PTCHD1: variants seen among roughly 807,000 people sequenced by gnomAD.
PTCHD1 encodes the protein patched domain containing 1.
Under a neutral mutation model 34.6 loss-of-function variants are expected in PTCHD1, and 3 were observed. The ratio of observed to expected loss-of-function variants is 0.09; its 90% CI spans 0.04 to 0.22. The LOEUF (loss-of-function observed/expected upper bound fraction) is 0.22. Among genes scored for constraint, PTCHD1 ranks in the 10% least tolerant of loss-of-function variants. The probability of loss-of-function intolerance (pLI) is 1.00; values close to 1 mark genes in which losing one functional copy is unlikely to be tolerated. For synonymous variants in PTCHD1, 305 were observed against 283.1 expected (o/e 1.08, Z -0.77); for missense variants, 504 against 685.5 (o/e 0.74, Z 2.96).
chrX:23,363,677 C>G (rs1476458028), intron 1 of PTCHD1, among the ~76,000 whole-genome samples: 3 of 112,719 alleles, frequency 2.7e-5, no homozygotes, highest in African/African-American at 9.7e-5. Flanking sequence ...CCAACCAGTC[C>G]CAGTGAGATG....
chrX:23,361,030 C>G (rs1444420147), intron 1 of PTCHD1, among the ~76,000 whole-genome samples: 4 of 112,037 alleles, frequency 3.6e-5, no homozygotes, highest in Non-Finnish European at 7.5e-5. Context: ...GTTGTGATTT[C>G]TGTTCTTTTA....
chrX:23,369,404 G>A lies in PTCHD1; in HGVS notation c.352-10187G>A, dbSNP rs774661717. Among the ~76,000 whole-genome samples the A allele has an allele frequency of 8.1e-5, 9 of 111,700 alleles. No individual in the cohort carries two copies. In the South Asian group the frequency reaches 3.4e-3, roughly 43 times the overall value. ...ATTTATCAATATCCAAATGTCCAAA[G>A]CACAGAGATTAGGGGATAAAGTCTT... On this transcript the variant is annotated intron_variant, in intron 1 of 2. Coordinates refer to ENST00000379361, the MANE Select transcript of PTCHD1 (RefSeq NM_173495.3).
intron 1 of PTCHD1, among the ~76,000 whole-genome samples, chrX:23,364,913 C>T (rs1384492815): frequency 8.9e-6 from 1 of 112,432 alleles, no homozygotes; most frequent in Non-Finnish European, 1.9e-5. Flanking sequence ...TGCCTGCTTC[C>T]TTTATCATCA....
At chrX:23,390,439 C>T in intron 2 of PTCHD1, among the ~76,000 whole-genome samples, 1 of 110,688 alleles carries the variant, frequency 9.0e-6, no homozygotes, top group East Asian at 2.8e-4. Context: ...AATTAAAGGT[C>T]AGTGGGTCCA....
chrX:23,384,080 A>T (rs973801651), intron 2 of PTCHD1, among the ~76,000 whole-genome samples: 7 of 112,343 alleles, frequency 6.2e-5, no homozygotes, highest in Non-Finnish European at 9.4e-5. Flanking sequence ...GGAAAGGGAT[A>T]GAATGTTAGA....
At chrX:23,344,648 G>A (rs1389328633) in intron 1 of PTCHD1, among the ~76,000 whole-genome samples, 1 of 111,742 alleles carries the variant, frequency 8.9e-6, no homozygotes, top group South Asian at 3.8e-4. Context: ...TTCTTAGGCA[G>A]GCAGAGCTGC....
chrX:23,394,689 A>T lies in PTCHD1; in HGVS notation c.*504A>T, dbSNP rs959046017. 2 of 117,304 alleles carry T rather than the reference A, an allele frequency of 1.7e-5. No homozygotes were observed. Among genetic ancestry groups the T allele is most frequent in the Non-Finnish European group, 3.6e-5 (2 of 55,976 alleles). 9.7% of individuals were successfully genotyped at this position (117,304 alleles called of 1,213,427 possible). A position where few individuals can be genotyped will look rare whatever the true frequency, so the allele number is the denominator to read the frequency against. On this transcript the variant is annotated 3_prime_UTR_variant, in exon 3 of 3. Transcript: ENST00000379361. ...TGTGGTTTGAGGTTTTAGCTGTCTC[A>T]CCTAGCTCCCTAACACTGAAGGAGA...
intron 2 of PTCHD1, among the ~76,000 whole-genome samples, chrX:23,390,339 A>C (rs748163160): frequency 6.4e-4 from 70 of 109,222 alleles, no homozygotes; most frequent in African/African-American, 1.6e-3. Flanking sequence ...GAAAAAAAAA[A>C]AAAAAACAAA....
chrX:23,342,037 G>A (rs1240634568), intron 1 of PTCHD1, among the ~76,000 whole-genome samples: 1 of 108,903 alleles, frequency 9.2e-6, no homozygotes, highest in Non-Finnish European at 1.9e-5. Flanking sequence ...GTAAAACAGT[G>A]AGTAGCAGGA....
intron 1 of PTCHD1, among the ~76,000 whole-genome samples, chrX:23,375,345 T>A (rs939702208): frequency 1.9e-5 from 2 of 104,810 alleles, no homozygotes; most frequent in South Asian, 4.5e-4. Flanking sequence ...GCGGGAGTGC[T>A]GTGGCGCGAT....
chrX:23,365,898 T>C (rs1484498850), intron 1 of PTCHD1, among the ~76,000 whole-genome samples: 1 of 112,385 alleles, frequency 8.9e-6, no homozygotes, highest in Non-Finnish European at 1.9e-5. Flanking sequence ...TCTGCTTGTA[T>C]AGTCTATGAC....
chrX:23,353,462 G>A (rs1478129594), intron 1 of PTCHD1, among the ~76,000 whole-genome samples: 1 of 112,721 alleles, frequency 8.9e-6, no homozygotes, highest in African/African-American at 3.2e-5. Flanking sequence ...GGTGGTGCAT[G>A]CCTATAATCC....
In PTCHD1 at chrX:23,401,484, C is replaced by A. The variant is rs1255051808; in HGVS notation, c.*7299C>A. ...GTGACTGGGCAAACTGGTAATGACC[C>A]GTTGGCTCTGCTTCACACACACACA... On this transcript the variant is annotated 3_prime_UTR_variant, in exon 3 of 3. Transcript: ENST00000379361. 1 of 112,482 alleles carries A rather than the reference C, an allele frequency of 8.9e-6. No homozygotes were observed. Among genetic ancestry groups the A allele is most frequent in the African/African-American group, 3.2e-5 (1 of 30,910 alleles). The allele number at this position is 112,482 out of a possible 1,213,427, so 9.3% of individuals were successfully genotyped here. A position where few individuals can be genotyped will look rare whatever the true frequency, so the allele number is the denominator to read the frequency against.
In PTCHD1 at chrX:23,335,172, C is replaced by G. The variant is rs368922717; in HGVS notation, c.297C>G (p.Thr99=). Residue 99 remains threonine, a synonymous_variant, in exon 1 of 3, where the codon ACC becomes ACG. Coordinates refer to ENST00000379361, the MANE Select transcript of PTCHD1 (RefSeq NM_173495.3). ...TPGRYGRVIV[T]SFQKANMLDQ... is the part of the protein sequence containing the mutation. ...GGCGCTACGGCCGGGTCATCGTCAC[C>G]TCCTTCCAGAAAGCCAACATGCTGG... 6 of 1,210,783 alleles carry G rather than the reference C, an allele frequency of 5.0e-6. No homozygotes were observed. The highest frequency in any genetic ancestry group is 1.7e-5 in the African/African-American group (1 of 57,480).
At chrX:23,361,481 T>C (rs1382956220) in intron 1 of PTCHD1, among the ~76,000 whole-genome samples, 3 of 111,673 alleles carry the variant, frequency 2.7e-5, no homozygotes, top group Non-Finnish European at 5.6e-5. Context: ...CCCCTGCCTT[T>C]TTTTGTTTTC....
intron 1 of PTCHD1, among the ~76,000 whole-genome samples, chrX:23,360,196 T>C (rs982000929): frequency 8.9e-6 from 1 of 112,183 alleles, no homozygotes; most frequent in Non-Finnish European, 1.9e-5. Context: ...TCTTTTTCAT[T>C]GACTGGAATA....
intron 1 of PTCHD1, among the ~76,000 whole-genome samples, chrX:23,360,461 G>A (rs1421263180): frequency 8.9e-6 from 1 of 111,810 alleles, no homozygotes; most frequent in Non-Finnish European, 1.9e-5. Flanking sequence ...ATTCTCTGAT[G>A]GTAGTTTGTA....
chrX:23,392,228 G>A (rs1424765408), intron 2 of PTCHD1, among the ~76,000 whole-genome samples: 2 of 108,739 alleles, frequency 1.8e-5, no homozygotes, highest in African/African-American at 6.7e-5. Flanking sequence ...CTTTCTATAG[G>A]CAAAAGTTCA....
intron 1 of PTCHD1, among the ~76,000 whole-genome samples, chrX:23,372,259 G>A (rs988923879): frequency 1.8e-5 from 2 of 109,795 alleles, no homozygotes; most frequent in African/African-American, 6.6e-5. Context: ...AGTGAGAACA[G>A]AAGTTTTTTA....
Sources: gnomAD v4.1 joint callset for allele counts (sites outside exome capture counted in the v4.1 genomes callset) on GRCh38, gnomAD v4.1.1 for gene constraint, MANE v1.5 for transcripts, NCBI Gene and HGNC (gene_info 2026-07-23, HGNC 2026-07-21) for gene names.